The following PXN variants were observed in gnomAD, a reference collection of about 807,000 sequenced individuals.
The protein encoded by PXN is paxillin, also known as testicular tissue protein Li 134.
In PXN, 61 loss-of-function variants were observed where a neutral mutation model predicts 103.6. That is an observed-to-expected ratio of 0.59 (90% CI 0.48 to 0.73). The LOEUF (loss-of-function observed/expected upper bound fraction) is 0.73. PXN is among the 30% of genes least tolerant of loss of function. The pLI is 0.00. For synonymous variants in PXN, 562 were observed against 607.8 expected (o/e 0.92, Z 1.11); for missense variants, 1,274 against 1,460.3 (o/e 0.87, Z 2.08).
Position 120,220,237 on chromosome 12 carries a change from C to A in PXN, c.832-146G>T. 1 of 434,954 alleles carries A rather than the reference C, an allele frequency of 2.3e-6. No individual in the cohort carries two copies. The highest frequency in any genetic ancestry group is 3.8e-5 in the Admixed American group (1 of 26,048). The allele number at this position is 434,954 out of a possible 1,614,324, so 26.9% of individuals were successfully genotyped here. ...GCACAGGACTGACCCTTGAAGGAGA[C>A]CCAGACCCCAAAAAAGCTTCCCTGG... On this transcript the variant is annotated intron_variant, in intron 6 of 14. Transcript: ENST00000637617. The surrounding 1 kb of genome is among the most constrained non-coding windows in gnomAD (Gnocchi z 6.1).
rs142995154 is a variant in PXN, at chr12:120,217,764, T to G, written c.1717-648A>C. On this transcript the variant is annotated intron_variant, in intron 7 of 14. Transcript: ENST00000637617. This position sits in a 1 kb window ranked among gnomAD's most constrained non-coding sequence, Gnocchi z 4.1. ...CTGGCTAATTTTTGTTGTTGTTGTT[T>G]TTTGTTTTTTTTTTTAGTAGAGATG... Among the ~76,000 whole-genome samples the G allele has an allele frequency of 3.5e-3, 526 of 151,402 alleles. 3 individuals carry two copies. Among genetic ancestry groups the G allele is most frequent in the African/African-American group, 0.012 (498 of 41,372 alleles).
At chr12:120,245,746 C>T (rs1177766787) in intron 1 of PXN, among the ~76,000 whole-genome samples, 4 of 141,748 alleles carry the variant, frequency 2.8e-5, no homozygotes, top group Non-Finnish European at 6.0e-5. Context: ...CGAGATCGCA[C>T]GACTGCACTC....
At chr12:120,234,769 G>A (rs1307184302) in intron 1 of PXN, among the ~76,000 whole-genome samples, 2 of 152,204 alleles carry the variant, frequency 1.3e-5, no homozygotes, top group African/African-American at 4.8e-5. Context: ...AAAAGAATGT[G>A]AGAGCCATCC....
In PXN at chr12:120,228,791, G is replaced by A. The variant is rs1407602788; in HGVS notation, c.14-4414C>T. Among the ~76,000 whole-genome samples the A allele has an allele frequency of 6.6e-6, 1 of 152,216 alleles. No homozygotes were observed. Among genetic ancestry groups the A allele is most frequent in the East Asian group, 1.9e-4 (1 of 5,186 alleles). Reference sequence around the variant, plus strand: ...CTCGCTTCCAGGGCCCTGTGCAAATGCAGCACCGTGTGCGCCCCTATCTGC... The same window carrying A: ...CTCGCTTCCAGGGCCCTGTGCAAATACAGCACCGTGTGCGCCCCTATCTGC... On this transcript the variant is annotated intron_variant, in intron 1 of 14. Transcript: ENST00000637617. This position sits in a 1 kb window ranked among gnomAD's most constrained non-coding sequence, Gnocchi z 4.7.
In PXN at chr12:120,216,372, A is replaced by G; in HGVS notation, c.2202T>C (p.Asp734=). The change falls in exon 9 of 15, where the codon GAT becomes GAC. Residue 734 remains aspartate (D), a synonymous_variant. Transcript: ENST00000637617. This position sits in a 1 kb window ranked among gnomAD's most constrained non-coding sequence, Gnocchi z 5.1. ...GVQSAGEEPH[D]EGVQGPALPI... is the part of the protein sequence containing the mutation. ...GAAGGGCAGGGCCCTGCACCCCCTC[A>G]TCATGGGGCTCTTCCCCTGCACTCT... 2.3e-6 allele frequency: 3 copies of G among 1,317,008 alleles called. No homozygotes were observed. Among genetic ancestry groups the G allele is most frequent in the African/African-American group, 1.5e-5 (1 of 64,964 alleles). 81.6% of individuals were successfully genotyped at this position (1,317,008 alleles called of 1,614,324 possible). A position where few individuals can be genotyped will look rare whatever the true frequency, so the allele number is the denominator to read the frequency against.
chr12:120,226,865 A>C (rs1886981820), intron 1 of PXN: 1 of 998,204 alleles, frequency 1.0e-6, no homozygotes, highest in South Asian at 4.2e-5. Flanking sequence ...GAGGTTTATA[A>C]GGGCTAGCAG....
intron 1 of PXN, among the ~76,000 whole-genome samples, chr12:120,253,396 C>T (rs985181200): frequency 6.6e-6 from 1 of 152,112 alleles, no homozygotes; most frequent in Non-Finnish European, 1.5e-5. Context: ...TTGCTTGAAC[C>T]CCAGAGGCGG....
chr12:120,264,568 C>T (rs761020229), intron 1 of PXN, among the ~76,000 whole-genome samples: 11 of 152,196 alleles, frequency 7.2e-5, no homozygotes, highest in African/African-American at 1.9e-4. Context: ...TACTTTCTTT[C>T]CCCTAACACC....
intron 1 of PXN, among the ~76,000 whole-genome samples, chr12:120,258,938 G>A (rs1431382741): frequency 1.3e-5 from 2 of 151,962 alleles, no homozygotes; most frequent in Non-Finnish European, 2.9e-5. Flanking sequence ...GCGTGGTGGT[G>A]CATGCCTGTA....
intron 1 of PXN, among the ~76,000 whole-genome samples, chr12:120,256,336 G>C (rs540145974): frequency 1.1e-3 from 160 of 152,172 alleles, no homozygotes; most frequent in Middle Eastern, 3.4e-3. Context: ...GCTTGAGTTG[G>C]AGGTTACAGT....
chr12:120,249,625 C>T (rs565216356), intron 1 of PXN, among the ~76,000 whole-genome samples: 142 of 152,266 alleles, frequency 9.3e-4, no homozygotes, highest in African/African-American at 3.3e-3. Flanking sequence ...GAGGCACAAA[C>T]AGGATGTTTA....
chr12:120,252,964 A>T (rs1892427209), intron 1 of PXN, among the ~76,000 whole-genome samples: 1 of 142,150 alleles, frequency 7.0e-6, no homozygotes, highest in African/African-American at 2.7e-5. Flanking sequence ...ATGCCACTGC[A>T]CTCCAGCCTG....
chr12:120,213,982 C>G lies in PXN; in HGVS notation c.2839G>C (p.Glu947Gln). The G allele has an allele frequency of 6.2e-7, 1 of 1,612,212 alleles. No homozygotes were observed. Among genetic ancestry groups the G allele is most frequent in the Non-Finnish European group, 8.5e-7 (1 of 1,179,356 alleles). The change falls in exon 14 of 15, where the codon GAG becomes CAG. Residue 947 changes from glutamate (E) to glutamine (Q), a missense_variant. Around this residue, in one of 2 missense-constraint regions of PXN, gnomAD observed 1,178 missense variants for 1,309.0 expected, o/e 0.90. Coordinates refer to ENST00000637617, the MANE Select transcript of PXN (RefSeq NM_001385981.1). This position sits in a 1 kb window ranked among gnomAD's most constrained non-coding sequence, Gnocchi z 4.2. ...GAFFGPEGFH[E>Q]KDGKAYCRKD... The stretch of plus-strand genomic sequence containing the variant: ...CGACAGTAGGCCTTGCCGTCCTTCT[C>G]GTGGAACCCTGGGGAGCGGGGGTTT...
chr12:120,263,814 G>C (rs770042966), intron 1 of PXN, among the ~76,000 whole-genome samples: 3 of 152,178 alleles, frequency 2.0e-5, no homozygotes, highest in Non-Finnish European at 4.4e-5. Flanking sequence ...AAGACTGTCA[G>C]AAGACAGGAA....
Position 120,215,603 on chromosome 12 carries a change from C to G in PXN, c.2360G>C (p.Arg787Pro), listed in dbSNP as rs755011394. 3.7e-6 allele frequency: 6 copies of G among 1,610,528 alleles called. No individual in the cohort carries two copies. The highest frequency in any genetic ancestry group is 2.7e-5 in the African/African-American group (2 of 74,832). ...GERCWAAGWP[R>P]DGGRSSPGGQ... ...TCCGGGGCTGCTCCGCCCGCCGTCC[C>G]GAGGCCAGCCGGCCGCCCAGCACCG... Residue 787 changes from arginine (R) to proline (P), a missense_variant, in exon 10 of 15, where the codon CGG becomes CCG. By Grantham distance (103) the Arg-to-Pro change is moderately radical. Around this residue, in one of 2 missense-constraint regions of PXN, gnomAD observed 1,178 missense variants for 1,309.0 expected, o/e 0.90. Transcript: ENST00000637617. The surrounding 1 kb of genome is among the most constrained non-coding windows in gnomAD (Gnocchi z 4.9).
intron 1 of PXN, among the ~76,000 whole-genome samples, chr12:120,258,670 T>C (rs750077323): frequency 1.3e-5 from 2 of 152,226 alleles, no homozygotes; most frequent in Non-Finnish European, 1.5e-5. Flanking sequence ...CTCACTTAGA[T>C]TGAATGGCTG....
At chr12:120,248,492 TCACACACACACACACACACACA>T (rs3221954) in intron 1 of PXN, among the ~76,000 whole-genome samples, 4 of 127,842 alleles carry the variant, frequency 3.1e-5, no homozygotes, top group East Asian at 2.3e-4. Context: ...CAGATGACTT[TCACACACACACACACACACACA>T]CACACACACA....
At position 120,222,358 on chromosome 12, in the gene PXN, C is replaced by T. The variant is rs1209358947; in HGVS notation, c.695+191G>A. ...CGCCCTCAGCCTGCACAACGTCTGT[C>T]CTTTCTGACTGGCAGTGACTGGCTG... On this transcript the variant is annotated intron_variant, in intron 5 of 14. Transcript: ENST00000637617. The surrounding 1 kb of genome is among the most constrained non-coding windows in gnomAD (Gnocchi z 4.7). Among the ~76,000 whole-genome samples, 1 of 152,242 alleles carries T rather than the reference C, an allele frequency of 6.6e-6. No individual in the cohort carries two copies. Among genetic ancestry groups the T allele is most frequent in the Non-Finnish European group, 1.5e-5 (1 of 68,044 alleles).
chr12:120,263,932 T>C (rs1385957836), intron 1 of PXN, among the ~76,000 whole-genome samples: 1 of 152,000 alleles, frequency 6.6e-6, no homozygotes, highest in African/African-American at 2.4e-5. Flanking sequence ...AACTGTAACT[T>C]TGCTCCCAGT....
Sources: allele counts gnomAD v4.1 joint callset (sites outside exome capture counted in the v4.1 genomes callset), GRCh38; gene constraint gnomAD v4.1.1; regional missense constraint gnomAD v4.1.1; non-coding constraint Gnocchi (gnomAD v3.1); transcripts MANE v1.5; gene names NCBI Gene and HGNC (gene_info 2026-07-23, HGNC 2026-07-21).